The following UTS2B variants were observed in gnomAD, a reference collection of about 807,000 sequenced individuals.
UTS2B encodes the protein urotensin 2B.
Under a neutral mutation model 19.2 loss-of-function variants are expected in UTS2B, and 21 were observed. That is an observed-to-expected ratio of 1.09 (90% CI 0.78 to 1.58). The LOEUF (loss-of-function observed/expected upper bound fraction) is 1.58. Ranked by LOEUF, UTS2B falls within the 40% of genes most tolerant of loss-of-function variation. The pLI, the probability that UTS2B is intolerant of heterozygous loss-of-function variation, is 0.00. For synonymous variants in UTS2B, 57 were observed against 50.2 expected, an observed-to-expected ratio of 1.14 and a Z score of -0.58; for missense variants, 138 against 130.3, an observed-to-expected ratio of 1.06 and a Z score of -0.29.
intron 8 of UTS2B, among the ~76,000 whole-genome samples, chr3:191,272,092 A>G (rs1476793345): frequency 1.3e-5 from 2 of 152,240 alleles, no homozygotes; most frequent in African/African-American, 2.4e-5. Context: ...CACATAGTGT[A>G]TGCATGAAGT....
the UTS2B span, among the ~76,000 whole-genome samples, chr3:191,343,608 G>C: frequency 6.6e-6 from 1 of 152,128 alleles, no homozygotes; most frequent in South Asian, 2.1e-4. Flanking sequence ...ATATATTCCT[G>C]AATTGTTCTA....
chr3:191,337,800 G>A, the UTS2B span, among the ~76,000 whole-genome samples: 1 of 151,978 alleles, frequency 6.6e-6, no homozygotes, highest in Admixed American at 6.6e-5. Context: ...GTATCCAACA[G>A]ATTTAACCAC....
At position 191,275,322 on chromosome 3, in the gene UTS2B, T is replaced by C. The variant is rs376851119; in HGVS notation, c.264A>G (p.Leu88=). The C allele has an allele frequency of 9.3e-6, 15 of 1,613,582 alleles. No individual in the cohort carries two copies. The East Asian group carries it at 2.7e-4, about 29-fold the overall frequency. ...ACGTCTCAGAATCCTTCTCCTCCACTAGCTGTTCTTTTAGCTTTTCCAGCT... is the reference window on the plus strand; with the variant it reads ...ACGTCTCAGAATCCTTCTCCTCCACCAGCTGTTCTTTTAGCTTTTCCAGCT... ...LNQLEKLKEQ[L]VEEKDSETSY... The change falls in exon 8 of 9, where the codon CTA becomes CTG. Residue 88 remains leucine (L), a synonymous_variant. Coordinates refer to ENST00000340524, the MANE Select transcript of UTS2B (RefSeq NM_198152.5).
chr3:191,295,502 T>G (rs903179618), intron 4 of UTS2B, among the ~76,000 whole-genome samples: 7 of 152,034 alleles, frequency 4.6e-5, no homozygotes, highest in Non-Finnish European at 1.0e-4. Flanking sequence ...AGATTTTCTT[T>G]TATTATCATG....
chr3:191,311,662 A>C (rs1184446535), intron 3 of UTS2B, among the ~76,000 whole-genome samples: 4 of 152,204 alleles, frequency 2.6e-5, no homozygotes, highest in Non-Finnish European at 5.9e-5. Flanking sequence ...CCACTGATGA[A>C]GCAGCTACCA....
At chr3:191,308,161 C>T (rs530723968) in intron 3 of UTS2B, among the ~76,000 whole-genome samples, 88 of 152,254 alleles carry the variant, frequency 5.8e-4, no homozygotes, top group African/African-American at 2.1e-3. Flanking sequence ...TAGTGGAAAA[C>T]GCAGAAATAG....
intron 3 of UTS2B, among the ~76,000 whole-genome samples, chr3:191,306,625 G>A (rs1308102268): frequency 1.3e-5 from 2 of 152,050 alleles, no homozygotes; most frequent in African/African-American, 4.8e-5. Flanking sequence ...ATGGTAACTA[G>A]GGGAAATTTT....
In UTS2B at chr3:191,322,482, C is replaced by G. The variant is rs150460259; in HGVS notation, c.-585-6043G>C. On this transcript the variant is annotated intron_variant, in intron 2 of 8. Coordinates refer to ENST00000340524, the MANE Select transcript of UTS2B (RefSeq NM_198152.5). ...AAGTCACTGCTAATGTTAATAAGAA[C>G]AGTTTGTTTTTGGAGTGGTGTAGGC... Among the ~76,000 whole-genome samples, 272 of 152,254 alleles carry G rather than the reference C, an allele frequency of 1.8e-3. 2 individuals are homozygous for G. Among genetic ancestry groups the G allele is most frequent in the African/African-American group, 6.1e-3 (255 of 41,544 alleles).
chr3:191,288,330 G>A (rs1037696349), intron 4 of UTS2B, among the ~76,000 whole-genome samples: 3 of 152,052 alleles, frequency 2.0e-5, no homozygotes, highest in African/African-American at 7.2e-5. Flanking sequence ...AGCAATTTTG[G>A]GCAGAAAAAC....
At chr3:191,338,865 A>G in the UTS2B span, among the ~76,000 whole-genome samples, 1 of 152,236 alleles carries the variant, frequency 6.6e-6, no homozygotes, top group Non-Finnish European at 1.5e-5. Context: ...AATTTTAATT[A>G]TATAAGATGC....
At chr3:191,341,278 A>G in the UTS2B span, among the ~76,000 whole-genome samples, 2 of 152,210 alleles carry the variant, frequency 1.3e-5, no homozygotes, top group African/African-American at 4.8e-5. Context: ...GGCTCTATTT[A>G]TTGAGCTGCT....
At chr3:191,312,238 T>C (rs1180901895) in intron 3 of UTS2B, among the ~76,000 whole-genome samples, 4 of 152,048 alleles carry the variant, frequency 2.6e-5, no homozygotes, top group Admixed American at 6.6e-5. Flanking sequence ...CAGCAAATTA[T>C]TGGGCTGTGC....
At chr3:191,326,070 C>G (rs9820833) in intron 2 of UTS2B, among the ~76,000 whole-genome samples, 36,841 of 152,010 alleles carry the variant, frequency 0.24, 4,984 homozygotes, top group Non-Finnish European at 0.3. Context: ...GCCAAGGAGA[C>G]AGATAATTCT....
chr3:191,275,618 T>G (rs1355038908), intron 7 of UTS2B, among the ~76,000 whole-genome samples: 2 of 151,574 alleles, frequency 1.3e-5, no homozygotes, highest in Non-Finnish European at 2.9e-5. Flanking sequence ...AGGTGGAGAC[T>G]GCAGTGAGCC....
chr3:191,302,715 A>G (rs1717035679), intron 4 of UTS2B, among the ~76,000 whole-genome samples: 1 of 152,228 alleles, frequency 6.6e-6, no homozygotes, highest in African/African-American at 2.4e-5. Flanking sequence ...GATTGAGAAG[A>G]AAGGATTCTC....
rs1187740296 is a variant in UTS2B at position 191,268,413 on chromosome 3, G to A, written c.*3C>T. ...ATCTTTTTTTGCATCCAGAGAAAAA[G>A]CTTTAAACACAGTATTTCCAAAAGC... is the stretch of plus-strand genomic sequence containing the variant. On this transcript the variant is annotated 3_prime_UTR_variant, in exon 9 of 9. Coordinates refer to ENST00000340524, the MANE Select transcript of UTS2B (RefSeq NM_198152.5). 8 of 1,559,638 alleles carry A rather than the reference G, an allele frequency of 5.1e-6. No homozygotes were observed. Among genetic ancestry groups the A allele is most frequent in the Non-Finnish European group, 7.0e-6 (8 of 1,140,216 alleles).
At chr3:191,329,642 G>A in intron 1 of UTS2B, 1 of 1,597,412 alleles carries the variant, frequency 6.3e-7, no homozygotes, top group Non-Finnish European at 8.5e-7. Flanking sequence ...CGGGAAGCCC[G>A]CGTTAAAGGG....
At chr3:191,278,050 C>T (rs1716284931) in intron 6 of UTS2B, 22 bp downstream of exon 6, 11 of 1,280,600 alleles carry the variant, frequency 8.6e-6, no homozygotes, top group Non-Finnish European at 1.2e-5. Flanking sequence ...ATAAATAGAG[C>T]TTGACTTTAT....
chr3:191,335,333 A>G (rs777316695), upstream of UTS2B, among the ~76,000 whole-genome samples: 2 of 152,224 alleles, frequency 1.3e-5, no homozygotes, highest in African/African-American at 2.4e-5. Flanking sequence ...AGAGGTAGCC[A>G]CTGGAAGTGC....
Sources: allele counts gnomAD v4.1 joint callset (sites outside exome capture counted in the v4.1 genomes callset), GRCh38; gene constraint gnomAD v4.1.1; transcripts MANE v1.5; gene names NCBI Gene and HGNC (gene_info 2026-07-23, HGNC 2026-07-21).